USP28: variants seen among roughly 807,000 people sequenced by gnomAD.
The protein encoded by USP28 is ubiquitin carboxyl-terminal hydrolase 28.
In USP28, 113 loss-of-function variants were observed where a neutral mutation model predicts 145.0. That is an observed-to-expected ratio of 0.78 (90% CI 0.67 to 0.91). The LOEUF (loss-of-function observed/expected upper bound fraction) is 0.91, where lower values mean the gene tolerates loss of function less well. Ranked by LOEUF, USP28 falls within the 40% of genes least tolerant of loss-of-function variation. USP28 has a pLI of 0.00. For synonymous variants in USP28, 447 were observed against 450.9 expected, an observed-to-expected ratio of 0.99 and a Z score of 0.11; for missense variants, 1,201 against 1,289.6, an observed-to-expected ratio of 0.93 and a Z score of 1.05.
exon 12 of USP28, chr11:113,823,700 C>T (rs754990060): frequency 2.5e-6 from 4 of 1,598,682 alleles, no homozygotes; most frequent in South Asian, 1.1e-5. Flanking sequence ...TGTACATGTA[C>T]CTAAGTAAAT....
intron 5 of USP28, among the ~76,000 whole-genome samples, chr11:113,839,498 TC>T: frequency 6.6e-6 from 1 of 152,042 alleles, no homozygotes; most frequent in Non-Finnish European, 1.5e-5. Context: ...GGCAAGAGGA[TC>T]CCTTGAACCT....
At chr11:113,814,112 C>T (rs1341932705) in intron 14 of USP28, among the ~76,000 whole-genome samples, 157 bp from the exon 15 acceptor site, 1 of 152,194 alleles carries the variant, frequency 6.6e-6, no homozygotes, top group Non-Finnish European at 1.5e-5. Context: ...GCAGCTAGTA[C>T]TTTAGGTTAT....
At chr11:113,827,806 CAT>C (rs1943547654) in intron 10 of USP28, among the ~76,000 whole-genome samples, 2 of 152,204 alleles carry the variant, frequency 1.3e-5, no homozygotes, top group South Asian at 2.1e-4. Flanking sequence ...TAAAAAGACT[CAT>C]ATGTGTACAT....
intron 19 of USP28, 74 bp downstream of exon 20, chr11:113,806,415 C>T: frequency 3.0e-6 from 4 of 1,328,742 alleles, no homozygotes; most frequent in Admixed American, 2.0e-5. Context: ...CCATTTTTTC[C>T]CTTCTTATAG....
chr11:113,806,584 C>T lies in USP28; in HGVS notation c.2305G>A (p.Val769Met), dbSNP rs1053967580. 2 of 1,566,034 alleles carry T rather than the reference C, an allele frequency of 1.3e-6. No individual in the cohort carries two copies. Among genetic ancestry groups the T allele is most frequent in the Non-Finnish European group, 8.6e-7 (1 of 1,159,886 alleles). Reference sequence around the variant, plus strand: ...CCTTGCATGGCAGGGCTCAGCATCACCTACCACAAGGGGGCACAAAACACA... The same window carrying T: ...CCTTGCATGGCAGGGCTCAGCATCATCTACCACAAGGGGGCACAAAACACA... The change falls in exon 19 of 25, where the codon GTG (valine) becomes ATG (methionine). Residue 769 changes from valine (V) to methionine (M), a missense_variant and splice_region_variant. Coordinates refer to ENST00000003302, the Ensembl canonical transcript of USP28.
chr11:113,809,292 G>T lies in USP28; in HGVS notation c.1973-38C>A, dbSNP rs750103596. The T allele has an allele frequency of 7.6e-6, 12 of 1,580,706 alleles. No homozygotes were observed. In the South Asian group the frequency reaches 8.0e-5, roughly 10 times the overall value. On this transcript the variant is annotated intron_variant, in intron 16 of 24. Coordinates refer to ENST00000003302, the Ensembl canonical transcript of USP28. ...AAAGATAGAGTTAAAAGGTCACAAGGAACGAAAACATCCTTTTTAGAAAAG... is the reference window on the plus strand; with the variant it reads ...AAAGATAGAGTTAAAAGGTCACAAGTAACGAAAACATCCTTTTTAGAAAAG...
At chr11:113,864,696 C>T (rs538130723) in intron 1 of USP28, among the ~76,000 whole-genome samples, 3 of 151,924 alleles carry the variant, frequency 2.0e-5, no homozygotes, top group African/African-American at 7.3e-5. Context: ...AGGCCCACTA[C>T]CCACATTAGG....
chr11:113,809,094 G>C (rs1268962583), exon 17 of USP28: 1 of 1,614,212 alleles, frequency 6.2e-7, no homozygotes, highest in Non-Finnish European at 8.5e-7. Context: ...GTGATGAGGA[G>C]TTGGTGGAGG....
intron 8 of USP28, among the ~76,000 whole-genome samples, chr11:113,831,702 G>GA (rs112521515): frequency 0.029 from 4,098 of 142,474 alleles, 119 homozygotes; most frequent in African/African-American, 0.07. Context: ...CCTTTAGTTA[G>GA]AAAAAAAAAA....
chr11:113,806,395 A>G (rs1939960867), intron 19 of USP28, 94 bp downstream of exon 20: 3 of 1,072,740 alleles, frequency 2.8e-6, no homozygotes, highest in African/African-American at 3.1e-5. Context: ...CACCACACCC[A>G]GCCTTAACCC....
chr11:113,840,919 T>C (rs542493418), intron 4 of USP28, among the ~76,000 whole-genome samples, 162 bp from the exon 5 acceptor site: 1 of 152,280 alleles, frequency 6.6e-6, no homozygotes, highest in East Asian at 1.9e-4. Flanking sequence ...GTAATGCAAC[T>C]GAAAAGCAAG....
intron 6 of USP28, among the ~76,000 whole-genome samples, 161 bp from the exon 7 acceptor site, chr11:113,833,718 T>G (rs539517266): frequency 6.6e-6 from 1 of 152,336 alleles, no homozygotes; most frequent in East Asian, 1.9e-4. Context: ...TGGTAAGGAC[T>G]GTACTCTAAA....
At chr11:113,868,788 T>C (rs1033990770) in intron 1 of USP28, among the ~76,000 whole-genome samples, 2 of 151,284 alleles carry the variant, frequency 1.3e-5, no homozygotes, top group African/African-American at 4.9e-5. Flanking sequence ...CTAGGCATGG[T>C]GGCACATGTC....
intron 3 of USP28, among the ~76,000 whole-genome samples, chr11:113,852,251 ATCTCCTGACCTCG>A (rs745390255): frequency 1.2e-4 from 19 of 152,116 alleles, no homozygotes. Flanking sequence ...GATGGTCTCG[ATCTCCTGACCTCG>A]TAATCCGCCT....
chr11:113,810,262 T>C (rs552371312), intron 16 of USP28, among the ~76,000 whole-genome samples: 12 of 152,324 alleles, frequency 7.9e-5, no homozygotes, highest in Non-Finnish European at 1.8e-4. Flanking sequence ...AATTCAGTAC[T>C]ATGAGAAAGC....
chr11:113,802,656 C>G (rs1029970117), intron 23 of USP28, among the ~76,000 whole-genome samples: 1 of 152,154 alleles, frequency 6.6e-6, no homozygotes, highest in African/African-American at 2.4e-5. Context: ...ATGATGTTAT[C>G]AGAACAGCAG....
exon 13 of USP28, chr11:113,817,684 C>T (rs764388950): frequency 1.1e-5 from 17 of 1,613,662 alleles, no homozygotes; most frequent in South Asian, 2.2e-5. Context: ...GGTCAGAAAC[C>T]GAGCAGTGCA....
intron 3 of USP28, among the ~76,000 whole-genome samples, chr11:113,843,074 T>C (rs1476604002): frequency 6.6e-6 from 1 of 151,980 alleles, no homozygotes; most frequent in Admixed American, 6.6e-5. Flanking sequence ...CTACTAAAAA[T>C]ACAAAAAATT....
intron 3 of USP28, among the ~76,000 whole-genome samples, chr11:113,848,148 T>C (rs1946084024): frequency 6.6e-6 from 1 of 152,174 alleles, no homozygotes; most frequent in Non-Finnish European, 1.5e-5. Flanking sequence ...TAACACAGAA[T>C]TGATACTGCA....
Sources: gnomAD v4.1 joint callset for allele counts (sites outside exome capture counted in the v4.1 genomes callset) on GRCh38, gnomAD v4.1.1 for gene constraint, MANE v1.5 for transcripts, NCBI Gene and HGNC (gene_info 2026-07-23, HGNC 2026-07-21) for gene names.